The following TRAPPC9 variants were observed in gnomAD, a reference collection of about 807,000 sequenced individuals.
TRAPPC9 encodes the protein trafficking protein particle complex subunit 9.
TRAPPC9 carries 83 observed loss-of-function variants against 124.0 expected under a neutral mutation model. That is an observed-to-expected ratio of 0.67 (90% CI 0.56 to 0.80). The LOEUF is 0.80. Ranked by LOEUF, TRAPPC9 falls within the 30% of genes least tolerant of loss-of-function variation. The pLI is 0.00. For synonymous variants in TRAPPC9, 638 were observed against 617.5 expected (o/e 1.03, Z -0.49); for missense variants, 1,302 against 1,508.3 (o/e 0.86, Z 2.27).
rs1214463616 is a variant in TRAPPC9 at position 140,260,651 on chromosome 8, TGAAA to T, written c.2279-7726_2279-7723del. Among the ~76,000 whole-genome samples the T allele has an allele frequency of 1.6e-4, 24 of 152,270 alleles. No homozygotes were observed. In the East Asian group the frequency reaches 3.9e-3, roughly 24 times the overall value. Reference sequence around the variant, plus strand: ...AGGAAGGAGAACACAAGACAATAACTGAAACAACCATCTATTAAGTCCTATCTTC... The same window carrying T: ...AGGAAGGAGAACACAAGACAATAACTCAACCATCTATTAAGTCCTATCTTC... On this transcript the variant is annotated intron_variant, in intron 15 of 22. Transcript: ENST00000438773.
chr8:139,785,076 A>G (rs1465696353), intron 21 of TRAPPC9, among the ~76,000 whole-genome samples: 2 of 152,242 alleles, frequency 1.3e-5, no homozygotes, highest in Non-Finnish European at 2.9e-5. Flanking sequence ...TTCAAGACAG[A>G]CAAGCAGATA....
intron 9 of TRAPPC9, among the ~76,000 whole-genome samples, chr8:140,327,065 C>T (rs1461856391): frequency 6.6e-6 from 1 of 152,004 alleles, no homozygotes; most frequent in Non-Finnish European, 1.5e-5. Flanking sequence ...CCAGCCTGAC[C>T]AATATGGTGA....
At chr8:139,819,435 GCCTT>G (rs1825097397) in intron 21 of TRAPPC9, among the ~76,000 whole-genome samples, 1 of 152,124 alleles carries the variant, frequency 6.6e-6, no homozygotes, top group Admixed American at 6.5e-5. Flanking sequence ...TGGAAAAATG[GCCTT>G]CCAAGAAACC....
chr8:139,967,331 GA>G (rs148468968), intron 19 of TRAPPC9, among the ~76,000 whole-genome samples: 22,156 of 152,224 alleles, frequency 0.15, 2,032 homozygotes, highest in African/African-American at 0.26. Flanking sequence ...AATAGACACA[GA>G]ACTTAAATGA....
chr8:139,895,157 A>C (rs556977704), intron 20 of TRAPPC9, among the ~76,000 whole-genome samples: 321 of 152,334 alleles, frequency 2.1e-3, no homozygotes, highest in African/African-American at 7.5e-3. Context: ...CCAGAGGAAA[A>C]GGACCTGCTC....
chr8:139,767,480 G>C (rs371821271), intron 21 of TRAPPC9, among the ~76,000 whole-genome samples: 1 of 152,236 alleles, frequency 6.6e-6, no homozygotes, highest in Admixed American at 6.5e-5. Context: ...CAAAGTGGGA[G>C]GGAGTGAAAG....
intron 17 of TRAPPC9, among the ~76,000 whole-genome samples, chr8:140,202,374 A>C (rs1245945155): frequency 2.0e-5 from 3 of 152,220 alleles, no homozygotes; most frequent in African/African-American, 7.2e-5. Context: ...CAACTTCTGC[A>C]GAAGCTCTTA....
intron 21 of TRAPPC9, among the ~76,000 whole-genome samples, chr8:139,765,867 C>G (rs1048304715): frequency 1.3e-5 from 2 of 152,198 alleles, no homozygotes; most frequent in Non-Finnish European, 2.9e-5. Flanking sequence ...GGGCACACTT[C>G]ATCCCCAGCC....
intron 15 of TRAPPC9, among the ~76,000 whole-genome samples, chr8:140,258,268 C>A (rs926518790): frequency 6.6e-6 from 1 of 152,230 alleles, no homozygotes; most frequent in Non-Finnish European, 1.5e-5. Flanking sequence ...TGACCCTGTG[C>A]GACTAATTCT....
intron 19 of TRAPPC9, chr8:139,932,901 C>G: frequency 6.3e-6 from 1 of 158,778 alleles, no homozygotes; most frequent in Non-Finnish European, 1.2e-5. Context: ...ACAGCATAAG[C>G]TGGTAAAAAA....
intron 19 of TRAPPC9, among the ~76,000 whole-genome samples, chr8:139,952,509 C>A (rs1235702030): frequency 6.6e-6 from 1 of 152,166 alleles, no homozygotes; most frequent in Non-Finnish European, 1.5e-5. Flanking sequence ...TGCACAGGAG[C>A]CCGGCAGCTC....
chr8:140,286,730 G>T (rs1286615263), intron 13 of TRAPPC9, among the ~76,000 whole-genome samples: 1 of 152,116 alleles, frequency 6.6e-6, no homozygotes, highest in Admixed American at 6.5e-5. Flanking sequence ...TGTATTATAT[G>T]CGAGGCGCCC....
At chr8:139,879,238 C>T (rs925350372) in intron 21 of TRAPPC9, among the ~76,000 whole-genome samples, 11 of 152,282 alleles carry the variant, frequency 7.2e-5, no homozygotes, top group South Asian at 4.1e-4. Flanking sequence ...GCAGGGAACA[C>T]GGCAGCCCCA....
chr8:140,098,149 G>A (rs1465078001), intron 17 of TRAPPC9: 1 of 151,924 alleles, frequency 6.6e-6, no homozygotes, highest in Non-Finnish European at 1.5e-5. Context: ...CTCAGTGCAG[G>A]GGATTCAGCA....
At chr8:139,764,272 C>CTGTA (rs1308506396) in intron 21 of TRAPPC9, among the ~76,000 whole-genome samples, 20 of 152,116 alleles carry the variant, frequency 1.3e-4, no homozygotes, top group African/African-American at 4.6e-4. Flanking sequence ...GTCCGTGTGG[C>CTGTA]TGTAGCAGGG....
chr8:140,026,351 G>A (rs1214438175), intron 17 of TRAPPC9, among the ~76,000 whole-genome samples: 4 of 152,144 alleles, frequency 2.6e-5, no homozygotes, highest in African/African-American at 9.7e-5. Flanking sequence ...GTATATGCCC[G>A]GAAGTGGAAT....
chr8:140,354,859 A>G (rs2067690323), intron 9 of TRAPPC9, among the ~76,000 whole-genome samples: 1 of 152,226 alleles, frequency 6.6e-6, no homozygotes, highest in Non-Finnish European at 1.5e-5. Flanking sequence ...GAATGTAATT[A>G]TTGATCGGAG....
At chr8:139,978,107 G>A (rs1306843836) in intron 19 of TRAPPC9, among the ~76,000 whole-genome samples, 1 of 152,130 alleles carries the variant, frequency 6.6e-6, no homozygotes, top group South Asian at 2.1e-4. Context: ...CGAACTCCTG[G>A]CTTCAAGGGA....
chr8:140,043,242 A>G (rs1165541209), intron 17 of TRAPPC9, among the ~76,000 whole-genome samples: 1 of 152,222 alleles, frequency 6.6e-6, no homozygotes, highest in African/African-American at 2.4e-5. Context: ...AATATCTTAC[A>G]TAGGCCAATT....
Sources: allele counts gnomAD v4.1 joint callset (sites outside exome capture counted in the v4.1 genomes callset), GRCh38; gene constraint gnomAD v4.1.1; transcripts MANE v1.5; gene names NCBI Gene and HGNC (gene_info 2026-07-23, HGNC 2026-07-21).